EYS: variants seen among roughly 807,000 people sequenced by gnomAD.
EYS encodes the protein protein eyes shut homolog.
Under a neutral mutation model 282.1 loss-of-function variants are expected in EYS, and 250 were observed. That is an observed-to-expected ratio of 0.89 (90% CI 0.80 to 0.98). The LOEUF is 0.98. Ranked by LOEUF, EYS falls within the 50% of genes least tolerant of loss-of-function variation. The pLI, the probability that EYS is intolerant of heterozygous loss-of-function variation, is 0.00. For synonymous variants in EYS, 1,355 were observed against 1,282.9 expected, an observed-to-expected ratio of 1.06 and a Z score of -1.20; for missense variants, 4,016 against 3,709.0, an observed-to-expected ratio of 1.08 and a Z score of -2.15.
intron 12 of EYS, among the ~76,000 whole-genome samples, chr6:65,081,971 T>C (rs1250045541): frequency 6.6e-6 from 1 of 152,016 alleles, no homozygotes; most frequent in African/African-American, 2.4e-5. Context: ...CGGTGCAAGG[T>C]GTATTCTCAG....
chr6:63,928,316 C>T (rs1035368064), intron 35 of EYS, among the ~76,000 whole-genome samples: 6 of 152,108 alleles, frequency 3.9e-5, no homozygotes, highest in Non-Finnish European at 8.8e-5. Flanking sequence ...GTACATAATG[C>T]TATACTGATT....
intron 12 of EYS, among the ~76,000 whole-genome samples, chr6:65,080,588 G>A (rs1774204962): frequency 1.3e-5 from 2 of 152,032 alleles, no homozygotes; most frequent in African/African-American, 4.8e-5. Flanking sequence ...ACTATGGGCA[G>A]CTCAAACACT....
intron 14 of EYS, among the ~76,000 whole-genome samples, chr6:64,996,103 A>C (rs1178036775): frequency 6.6e-6 from 1 of 152,148 alleles, no homozygotes; most frequent in Non-Finnish European, 1.5e-5. Flanking sequence ...AAGTAAAAGG[A>C]ACTCTGACTT....
intron 30 of EYS, among the ~76,000 whole-genome samples, chr6:64,232,239 A>G (rs1022304824): frequency 6.6e-6 from 1 of 152,244 alleles, no homozygotes; most frequent in Non-Finnish European, 1.5e-5. Flanking sequence ...TGCAATCTAC[A>G]TGAAGGATGG....
At chr6:64,605,162 A>G (rs1403575433) in intron 24 of EYS, among the ~76,000 whole-genome samples, 1 of 151,882 alleles carries the variant, frequency 6.6e-6, no homozygotes, top group African/African-American at 2.4e-5. Flanking sequence ...TTACCCCCAA[A>G]TTTTAAATAT....
chr6:64,370,648 C>T (rs1402123000), intron 29 of EYS, among the ~76,000 whole-genome samples: 3 of 151,892 alleles, frequency 2.0e-5, no homozygotes, highest in African/African-American at 7.3e-5. Context: ...TTCATCTGGT[C>T]CTGGGTTATT....
chr6:64,017,343 A>C lies in EYS; in HGVS notation c.6726-18160T>G, dbSNP rs9450603. Among the ~76,000 whole-genome samples the C allele has an allele frequency of 9.6e-3, 1,456 of 152,130 alleles. 19 individuals are homozygous for C. The highest frequency in any genetic ancestry group is 0.034 in the African/African-American group (1,390 of 41,488). ...GATCTACAATTGTGGGACTCTCTGC[A>C]TGCTGGGGGTGGGAGATCTGTGGGT... On this transcript the variant is annotated intron_variant, in intron 33 of 42. Transcript: ENST00000503581.
At chr6:64,236,196 A>C (rs957445382) in intron 30 of EYS, among the ~76,000 whole-genome samples, 4 of 152,192 alleles carry the variant, frequency 2.6e-5, no homozygotes, top group Non-Finnish European at 5.9e-5. Context: ...GATGGTCTCT[A>C]TCTCCTGACC....
At chr6:63,783,876 T>TTGTGTG (rs150840181) in intron 39 of EYS, among the ~76,000 whole-genome samples, 2 of 150,854 alleles carry the variant, frequency 1.3e-5, no homozygotes, top group African/African-American at 4.9e-5. Flanking sequence ...TGGTCAAATA[T>TTGTGTG]TGTGTGTGTG....
chr6:64,513,403 A>G lies in EYS; in HGVS notation c.5645-74051T>C, dbSNP rs75432262. ...ACTGACATTCTATGAAAAAATATGAAATGATAAACTAGTATGTTAAGCAGA... is the reference window on the plus strand; with the variant it reads ...ACTGACATTCTATGAAAAAATATGAGATGATAAACTAGTATGTTAAGCAGA... On this transcript the variant is annotated intron_variant, in intron 26 of 42. Transcript: ENST00000503581. 1.4e-3 allele frequency among the ~76,000 whole-genome samples: 212 copies of G among 152,082 alleles called. 1 individual carries two copies. Among genetic ancestry groups the G allele is most frequent in the African/African-American group, 5.0e-3 (206 of 41,528 alleles).
chr6:64,241,259 T>C (rs1005983099), intron 30 of EYS, among the ~76,000 whole-genome samples: 1 of 152,180 alleles, frequency 6.6e-6, no homozygotes, highest in Admixed American at 6.6e-5. Flanking sequence ...GCTGGCCTCA[T>C]AAACGAGTTG....
chr6:63,969,095 T>A (rs1766436488), intron 35 of EYS, among the ~76,000 whole-genome samples: 2 of 152,256 alleles, frequency 1.3e-5, no homozygotes, highest in Admixed American at 1.3e-4. Context: ...TATTTTTCAA[T>A]ATAGCATCAA....
chr6:65,444,507 T>A (rs753142041), intron 5 of EYS, among the ~76,000 whole-genome samples: 5 of 152,088 alleles, frequency 3.3e-5, no homozygotes, highest in Non-Finnish European at 5.9e-5. Flanking sequence ...GAAAGGTCAG[T>A]CTTTGGAGAG....
At chr6:64,063,035 CT>C (rs1467113898) in intron 33 of EYS, among the ~76,000 whole-genome samples, 1 of 152,138 alleles carries the variant, frequency 6.6e-6, no homozygotes, top group Non-Finnish European at 1.5e-5. Context: ...CACTCTACTC[CT>C]TTTTTGGCTG....
intron 12 of EYS, among the ~76,000 whole-genome samples, chr6:65,130,695 T>C (rs994088136): frequency 6.6e-6 from 1 of 151,562 alleles, no homozygotes; most frequent in African/African-American, 2.4e-5. Flanking sequence ...AATGACTATT[T>C]GGTACTAAGC....
At chr6:63,774,551 T>C (rs1291682881) in intron 40 of EYS, among the ~76,000 whole-genome samples, 1 of 152,206 alleles carries the variant, frequency 6.6e-6, no homozygotes, top group Non-Finnish European at 1.5e-5. Flanking sequence ...CTATGGTTAG[T>C]AACAATGTCT....
intron 34 of EYS, among the ~76,000 whole-genome samples, chr6:63,992,653 C>CA (rs1315465964): frequency 6.6e-6 from 1 of 151,040 alleles, no homozygotes; most frequent in African/African-American, 2.4e-5. Flanking sequence ...TACAAAAAAA[C>CA]AAAAAATGAA....
At chr6:65,011,674 G>T (rs779472542) in intron 13 of EYS, among the ~76,000 whole-genome samples, 5 of 152,136 alleles carry the variant, frequency 3.3e-5, no homozygotes, top group Non-Finnish European at 1.5e-5. Context: ...TTCCTAGGCC[G>T]ACTAAGAATC....
At chr6:64,930,776 A>G (rs917985606) in intron 15 of EYS, among the ~76,000 whole-genome samples, 2 of 152,150 alleles carry the variant, frequency 1.3e-5, no homozygotes, top group Admixed American at 6.6e-5. Flanking sequence ...TGTAGTGTCC[A>G]TAAGAAAAGC....
Sources: gnomAD v4.1 joint callset for allele counts (sites outside exome capture counted in the v4.1 genomes callset) on GRCh38, gnomAD v4.1.1 for gene constraint, MANE v1.5 for transcripts, NCBI Gene and HGNC (gene_info 2026-07-23, HGNC 2026-07-21) for gene names.